RHEX: variants seen among roughly 807,000 people sequenced by gnomAD.
RHEX encodes the protein regulator of hemoglobinization and erythroid cell expansion protein.
A neutral mutation model predicts 20.1 loss-of-function variants in RHEX; 18 were observed. The ratio of observed to expected loss-of-function variants is 0.90; its 90% confidence interval spans 0.62 to 1.33. The LOEUF (loss-of-function observed/expected upper bound fraction) is 1.33. Ranked by LOEUF, RHEX falls within the 40% of genes most tolerant of loss-of-function variation. RHEX has a pLI of 0.00. For synonymous variants in RHEX, 87 were observed against 77.1 expected, an observed-to-expected ratio of 1.13 and a Z score of -0.67; for missense variants, 192 against 214.3, an observed-to-expected ratio of 0.90 and a Z score of 0.65.
intron 3 of RHEX, 145 bp from the exon 4 acceptor site, chr1:206,099,510 G>A (rs1663142420): frequency 1.5e-6 from 1 of 659,596 alleles, no homozygotes; most frequent in East Asian, 2.8e-5. Flanking sequence ...GTAGAGATGG[G>A]GTTTCACCAT....
In RHEX at chr1:206,063,725, G is replaced by C. The variant is rs189202256; in HGVS notation, c.-97+10460G>C. Among the ~76,000 whole-genome samples, 30 of 152,338 alleles carry C rather than the reference G, an allele frequency of 2.0e-4. No individual in the cohort carries two copies. In the East Asian group the frequency reaches 5.2e-3, roughly 26 times the overall value. On this transcript the variant is annotated intron_variant, in intron 1 of 5. Coordinates refer to ENST00000331555, the MANE Select transcript of RHEX (RefSeq NM_001007544.4). ...GGCGCCCAGGCTGGAGTGCAGTGGC[G>C]TGATCTCGGCTGGCTACAACCTCCA...
chr1:206,064,034 T>C (rs1317746711), intron 1 of RHEX, among the ~76,000 whole-genome samples: 9 of 128,626 alleles, frequency 7.0e-5, no homozygotes, highest in African/African-American at 1.2e-4. Context: ...GGGAGCGCCT[T>C]TGCCCCGCCG....
chr1:206,099,866 T>C (rs1663153556), intron 4 of RHEX, 68 bp downstream of exon 4: 1 of 1,495,904 alleles, frequency 6.7e-7, no homozygotes, highest in African/African-American at 1.4e-5. Flanking sequence ...ACCCAGGACC[T>C]CCCTGCAGCA....
intron 1 of RHEX, among the ~76,000 whole-genome samples, chr1:206,056,644 A>G (rs1243122699): frequency 1.3e-5 from 2 of 152,256 alleles, no homozygotes; most frequent in Non-Finnish European, 2.9e-5. Flanking sequence ...TTAAAATACA[A>G]TTAAGGACTG....
chr1:206,091,266 C>T (rs1662945234), intron 1 of RHEX, among the ~76,000 whole-genome samples: 1 of 152,064 alleles, frequency 6.6e-6, no homozygotes, highest in African/African-American at 2.4e-5. Context: ...ATATTCAATA[C>T]CCTTATTATT....
chr1:206,070,240 G>A (rs1376499849), intron 1 of RHEX, among the ~76,000 whole-genome samples: 1 of 152,046 alleles, frequency 6.6e-6, no homozygotes, highest in African/African-American at 2.4e-5. Context: ...CCCCTCACCC[G>A]CCTGGCAGGG....
intron 1 of RHEX, among the ~76,000 whole-genome samples, chr1:206,095,554 C>T (rs559405375): frequency 2.0e-5 from 3 of 152,208 alleles, no homozygotes; most frequent in Admixed American, 6.5e-5. Flanking sequence ...CGGTGGCTCA[C>T]GCCTGTAATC....
chr1:206,090,200 T>C (rs1435670523), intron 1 of RHEX, among the ~76,000 whole-genome samples: 2 of 148,378 alleles, frequency 1.3e-5, no homozygotes, highest in Non-Finnish European at 3.0e-5. Context: ...TTTCTTTTCT[T>C]TCTTTTTTTT....
At chr1:206,099,214 A>C (rs1553288095) in intron 3 of RHEX, among the ~76,000 whole-genome samples, 1 of 152,172 alleles carries the variant, frequency 6.6e-6, no homozygotes, top group Non-Finnish European at 1.5e-5. Context: ...TTTTGAGCAC[A>C]GCAGTGCTGA....
intron 1 of RHEX, among the ~76,000 whole-genome samples, chr1:206,096,267 T>C (rs1321593958): frequency 2.0e-5 from 3 of 152,246 alleles, no homozygotes; most frequent in African/African-American, 7.2e-5. Flanking sequence ...GAGTGTAGTA[T>C]TGGAAGACAG....
chr1:206,089,328 C>A (rs1253455359), intron 1 of RHEX, among the ~76,000 whole-genome samples: 4 of 152,082 alleles, frequency 2.6e-5, no homozygotes, highest in African/African-American at 9.7e-5. Flanking sequence ...CAGGTATGAG[C>A]CACCACGCCC....
chr1:206,098,980 C>T (rs1360180109), intron 3 of RHEX, among the ~76,000 whole-genome samples: 1 of 152,130 alleles, frequency 6.6e-6, no homozygotes, highest in Non-Finnish European at 1.5e-5. Context: ...GCTGGCATCC[C>T]CAAAAGGCTA....
chr1:206,088,575 C>T (rs551961978), intron 1 of RHEX, among the ~76,000 whole-genome samples: 24 of 152,208 alleles, frequency 1.6e-4, no homozygotes, highest in South Asian at 1.5e-3. Context: ...CCCAGCTACT[C>T]GGGAGGCTGA....
At position 206,082,126 on chromosome 1, in the gene RHEX, G is replaced by A. The variant is rs78615823; in HGVS notation, c.-96-15607G>A. 9.2e-3 allele frequency among the ~76,000 whole-genome samples: 1,408 copies of A among 152,254 alleles called. 27 individuals are homozygous for A. Among genetic ancestry groups the A allele is most frequent in the African/African-American group, 0.032 (1,338 of 41,540 alleles). Reference sequence around the variant, plus strand: ...AGGGAAGCAAACTGCAGCAATAGACGTAGTTCCACAGTGAGCTGTGATACA... The same window carrying A: ...AGGGAAGCAAACTGCAGCAATAGACATAGTTCCACAGTGAGCTGTGATACA... On this transcript the variant is annotated intron_variant, in intron 1 of 5. Coordinates refer to ENST00000331555, the MANE Select transcript of RHEX (RefSeq NM_001007544.4).
At chr1:206,068,463 A>C (rs1217332554) in intron 1 of RHEX, among the ~76,000 whole-genome samples, 1 of 152,208 alleles carries the variant, frequency 6.6e-6, no homozygotes, top group African/African-American at 2.4e-5. Context: ...AGGAAAATTC[A>C]TGAAGAGGGG....
At chr1:206,070,428 C>A (rs1452594713) in intron 1 of RHEX, among the ~76,000 whole-genome samples, 3 of 152,098 alleles carry the variant, frequency 2.0e-5, no homozygotes, top group Non-Finnish European at 4.4e-5. Context: ...TGTTATCTCT[C>A]CTGGGAAAGC....
At chr1:206,090,070 T>G (rs1338046481) in intron 1 of RHEX, among the ~76,000 whole-genome samples, 1 of 152,146 alleles carries the variant, frequency 6.6e-6, no homozygotes, top group African/African-American at 2.4e-5. Flanking sequence ...AATGATTTCC[T>G]TTCCTCCACT....
chr1:206,066,666 GAA>G (rs2102310454), intron 1 of RHEX, among the ~76,000 whole-genome samples: 2 of 152,286 alleles, frequency 1.3e-5, no homozygotes, highest in African/African-American at 4.8e-5. Flanking sequence ...GCCTCTGGCT[GAA>G]ACTGAAAGCA....
chr1:206,054,898 C>T (rs1282046013), intron 1 of RHEX, among the ~76,000 whole-genome samples: 2 of 152,370 alleles, frequency 1.3e-5, no homozygotes, highest in African/African-American at 4.8e-5. Flanking sequence ...ATTCATTTTA[C>T]TAGAGGATCA....
Sources: allele counts gnomAD v4.1 joint callset (sites outside exome capture counted in the v4.1 genomes callset), GRCh38; gene constraint gnomAD v4.1.1; transcripts MANE v1.5; gene names NCBI Gene and HGNC (gene_info 2026-07-23, HGNC 2026-07-21).